Variants in XKR9 observed in about 807,000 individuals in gnomAD.
XKR9 encodes XK related 9, also known as XK-related protein 9.
Under a neutral mutation model 32.0 loss-of-function variants are expected in XKR9, and 32 were observed. That is an observed-to-expected ratio of 1.00 (90% CI 0.76 to 1.34). The LOEUF is 1.34. XKR9 is among the 40% of genes most tolerant of loss of function. The probability of loss-of-function intolerance (pLI) is 0.00; values close to 1 mark genes in which losing one functional copy is unlikely to be tolerated. For missense variants in XKR9, 546 were observed against 429.7 expected, an observed-to-expected ratio of 1.27 and a Z score of -2.39; for synonymous variants, 168 against 143.4, an observed-to-expected ratio of 1.17 and a Z score of -1.22.
the XKR9 span, among the ~76,000 whole-genome samples, chr8:71,065,296 G>T: frequency 6.6e-6 from 1 of 152,092 alleles, no homozygotes; most frequent in Non-Finnish European, 1.5e-5. Context: ...AATCTGACAG[G>T]ATTGGTGGCC....
At chr8:70,924,970 A>AT in the XKR9 span, among the ~76,000 whole-genome samples, 9,727 of 151,966 alleles carry the variant, frequency 0.064, 431 homozygotes, top group Non-Finnish European at 0.089. Flanking sequence ...TTTAATGTTA[A>AT]TTTTTTTTGC....
At chr8:70,988,948 A>G in the XKR9 span, among the ~76,000 whole-genome samples, 2 of 152,196 alleles carry the variant, frequency 1.3e-5, no homozygotes, top group African/African-American at 2.4e-5. Context: ...TTCACTTAGC[A>G]TAATACCCTC....
At chr8:70,963,255 A>G in the XKR9 span, among the ~76,000 whole-genome samples, 18 of 152,166 alleles carry the variant, frequency 1.2e-4, no homozygotes, top group Non-Finnish European at 2.4e-4. Flanking sequence ...TGCTGAGGAT[A>G]ATGGCTCCTA....
chr8:70,911,523 T>C, the XKR9 span, among the ~76,000 whole-genome samples: 4 of 152,324 alleles, frequency 2.6e-5, no homozygotes, highest in African/African-American at 9.6e-5. Flanking sequence ...AAGCTTTACA[T>C]ACAAAGAACA....
rs1818731709 is a variant in XKR9, at chr8:70,672,015, A to G, written c.-361+2477A>G. 5.3e-5 allele frequency among the ~76,000 whole-genome samples: 3 copies of G among 56,974 alleles called. No individual in the cohort carries two copies. The South Asian group carries it at 1.4e-3, about 26-fold the overall frequency. The allele number at this position is 56,974 out of a possible 152,430, so 37.4% of individuals were successfully genotyped here. On this transcript the variant is annotated intron_variant, in intron 1 of 4. Coordinates refer to ENST00000408926, the MANE Select transcript of XKR9 (RefSeq NM_001011720.2). ...TACCTAGGAATCCAACTTACAAGGG[A>G]TGTGAAGGACCTCTTCAAGGAGAAC...
chr8:70,724,812 T>A (rs1383823089), intron 4 of XKR9, among the ~76,000 whole-genome samples: 1 of 152,200 alleles, frequency 6.6e-6, no homozygotes, highest in Non-Finnish European at 1.5e-5. Context: ...CCGGAGCTTT[T>A]CATATTTGGC....
At chr8:70,720,438 C>T (rs1806238851) in intron 4 of XKR9, among the ~76,000 whole-genome samples, 1 of 151,962 alleles carries the variant, frequency 6.6e-6, no homozygotes, top group Non-Finnish European at 1.5e-5. Context: ...TATGGATATG[C>T]CATAAATAGC....
At chr8:70,919,592 ACTC>A in the XKR9 span, among the ~76,000 whole-genome samples, 1 of 151,894 alleles carries the variant, frequency 6.6e-6, no homozygotes, top group East Asian at 1.9e-4. Context: ...GCCCTAGTTA[ACTC>A]CTCCTCATCT....
In XKR9 at chr8:70,734,306, T is replaced by C; in HGVS notation, c.1004T>C (p.Phe335Ser). ...IVLTLLLGIL[F>S]LIVYYGSFHP... is the part of the protein sequence containing the mutation. ...CTTACTCTTCTTCTTGGAATTCTTT[T>C]TCTTATTGTTTATTATGGGAGTTTT... The change falls in exon 5 of 5, where the codon TTT (phenylalanine) becomes TCT (serine). Residue 335 changes from phenylalanine to serine, a missense_variant. Coordinates refer to ENST00000408926, the MANE Select transcript of XKR9 (RefSeq NM_001011720.2). The C allele has an allele frequency of 6.2e-7, 1 of 1,612,640 alleles. No homozygotes were observed. Among genetic ancestry groups the C allele is most frequent in the South Asian group, 1.1e-5 (1 of 90,986 alleles).
intron 2 of XKR9, among the ~76,000 whole-genome samples, chr8:70,779,322 G>C (rs892320940): frequency 6.6e-6 from 1 of 152,164 alleles, no homozygotes; most frequent in Non-Finnish European, 1.5e-5. Context: ...TGGTGGATAA[G>C]CTTTTTGATA....
Position 70,681,176 on chromosome 8 carries a change from T to C in XKR9, c.118T>C (p.Phe40Leu). The change falls in exon 3 of 5, where the codon TTT becomes CTT. Residue 40 changes from phenylalanine to leucine, a missense_variant. Phe to Leu is a conservative substitution (Grantham distance 22). Coordinates refer to ENST00000408926, the MANE Select transcript of XKR9 (RefSeq NM_001011720.2). ...VRFFHEGQYV[F>L]SALALSFMLF... ...ATTTTTCCATGAAGGACAGTATGTTTTTAGTGCTTTAGCGTTAAGCTTTAT... is the reference window on the plus strand; with the variant it reads ...ATTTTTCCATGAAGGACAGTATGTTCTTAGTGCTTTAGCGTTAAGCTTTAT... 6.2e-7 allele frequency: 1 copy of C among 1,613,592 alleles called. No homozygotes were observed.
chr8:70,757,341 T>A (rs1488837172), intron 2 of XKR9, among the ~76,000 whole-genome samples: 3 of 152,146 alleles, frequency 2.0e-5, no homozygotes, highest in Non-Finnish European at 2.9e-5. Context: ...GCATGCATAA[T>A]CTCTGTCAAT....
the XKR9 span, among the ~76,000 whole-genome samples, chr8:70,907,408 T>G: frequency 1.3e-5 from 2 of 152,226 alleles, no homozygotes; most frequent in Non-Finnish European, 2.9e-5. Context: ...AGTCATGCTT[T>G]TATGACAGTC....
At chr8:70,811,590 A>T in the XKR9 span, among the ~76,000 whole-genome samples, 8 of 152,288 alleles carry the variant, frequency 5.3e-5, 1 homozygote, top group East Asian at 1.5e-3. Flanking sequence ...TAGACACAAT[A>T]AAAAATGATA....
In XKR9 at chr8:70,734,173, T is replaced by C; in HGVS notation, c.871T>C (p.Tyr291His). 6.2e-7 allele frequency: 1 copy of C among 1,613,392 alleles called. No homozygotes were observed. The highest frequency in any genetic ancestry group is 8.5e-7 in the Non-Finnish European group (1 of 1,179,584). Residue 291 changes from tyrosine (Y) to histidine (H), a missense_variant, in exon 5 of 5, where the codon TAT (tyrosine) becomes CAT (histidine). Coordinates refer to ENST00000408926, the MANE Select transcript of XKR9 (RefSeq NM_001011720.2). ...QNTKCPMSCYYIVRVLGTLGI... is the reference protein window; with the variant it reads ...QNTKCPMSCYHIVRVLGTLGI... ...TACCAAGTGTCCAATGTCTTGTTAT[T>C]ATATTGTTAGGGTACTGGGCACTTT...
At chr8:70,944,813 A>G in the XKR9 span, among the ~76,000 whole-genome samples, 2 of 152,224 alleles carry the variant, frequency 1.3e-5, no homozygotes, top group African/African-American at 2.4e-5. Flanking sequence ...TCTCTGGCAT[A>G]CAAGCATATA....
intron 2 of XKR9, among the ~76,000 whole-genome samples, chr8:70,761,914 A>G (rs1221717866): frequency 6.6e-6 from 1 of 151,206 alleles, no homozygotes; most frequent in African/African-American, 2.4e-5. Context: ...TTTTTTGCAT[A>G]TGGCTAGCCA....
chr8:70,916,685 G>A, the XKR9 span, among the ~76,000 whole-genome samples: 1 of 152,034 alleles, frequency 6.6e-6, no homozygotes, highest in African/African-American at 2.4e-5. Flanking sequence ...TTCATAAGCT[G>A]TCTTGTTGGA....
At chr8:70,932,650 G>A in the XKR9 span, among the ~76,000 whole-genome samples, 1 of 152,148 alleles carries the variant, frequency 6.6e-6, no homozygotes, top group South Asian at 2.1e-4. Context: ...AGTAGGACTG[G>A]TTTCTCCCGA....
Sources: gnomAD v4.1 joint callset for allele counts (sites outside exome capture counted in the v4.1 genomes callset) on GRCh38, gnomAD v4.1.1 for gene constraint, MANE v1.5 for transcripts, NCBI Gene and HGNC (gene_info 2026-07-23, HGNC 2026-07-21) for gene names.